Variants in GALK2 observed in about 807,000 individuals in gnomAD.
The protein encoded by GALK2 is galactokinase 2, also known as N-acetylgalactosamine kinase.
Under a neutral mutation model 52.4 loss-of-function variants are expected in GALK2, and 36 were observed. The ratio of observed to expected loss-of-function variants is 0.69; its 90% CI spans 0.53 to 0.91. The LOEUF is 0.91. Ranked by LOEUF, GALK2 falls within the 40% of genes least tolerant of loss-of-function variation. The probability of loss-of-function intolerance (pLI) is 0.00; values close to 1 mark genes in which losing one functional copy is unlikely to be tolerated. For synonymous variants in GALK2, 176 were observed against 199.1 expected (o/e 0.88, Z 0.98); for missense variants, 579 against 559.1 (o/e 1.04, Z -0.36).
At chr15:49,227,696 TTATA>T (rs2090211571) in intron 3 of GALK2, among the ~76,000 whole-genome samples, 1 of 152,086 alleles carries the variant, frequency 6.6e-6, no homozygotes, top group Non-Finnish European at 1.5e-5. Flanking sequence ...TCTGGTTGTT[TTATA>T]TATCTTTTTT....
At chr15:49,196,226 C>T (rs2087219788) in intron 1 of GALK2, among the ~76,000 whole-genome samples, 1 of 151,842 alleles carries the variant, frequency 6.6e-6, no homozygotes, top group South Asian at 2.1e-4. Flanking sequence ...ATTTAGTTTC[C>T]TATTATCATT....
intron 3 of GALK2, among the ~76,000 whole-genome samples, chr15:49,346,494 TCTC>T (rs1301296931): frequency 3.3e-5 from 5 of 152,130 alleles, no homozygotes; most frequent in Non-Finnish European, 5.9e-5. Flanking sequence ...TGAGAGCTGT[TCTC>T]CTGCCTCCTT....
At chr15:49,220,606 G>C (rs563777156) in intron 3 of GALK2, among the ~76,000 whole-genome samples, 1 of 152,190 alleles carries the variant, frequency 6.6e-6, no homozygotes, top group South Asian at 2.1e-4. Context: ...GCAGTATTAG[G>C]GTTGCTGGAT....
intron 5 of GALK2, among the ~76,000 whole-genome samples, chr15:49,252,260 C>T (rs1207173157): frequency 1.3e-5 from 2 of 151,802 alleles, no homozygotes; most frequent in East Asian, 1.9e-4. Flanking sequence ...AGTAAGACTT[C>T]GTCTCAAAAA....
intron 3 of GALK2, among the ~76,000 whole-genome samples, chr15:49,340,505 GAAGT>G (rs1310408426): frequency 2.0e-5 from 3 of 150,454 alleles, no homozygotes; most frequent in Non-Finnish European, 4.4e-5. Flanking sequence ...TGGAAATGCA[GAAGT>G]CACCTGTCTT....
upstream of GALK2, among the ~76,000 whole-genome samples, chr15:49,167,395 G>C (rs138047048): frequency 1.8e-4 from 27 of 152,102 alleles, no homozygotes; most frequent in East Asian, 5.0e-3. Flanking sequence ...TTCGCTCTTG[G>C]TTGCCCAGGC....
intron 1 of GALK2, among the ~76,000 whole-genome samples, chr15:49,176,722 TTA>T (rs1477023373): frequency 3.3e-5 from 5 of 152,166 alleles, no homozygotes; most frequent in Non-Finnish European, 5.9e-5. Flanking sequence ...AATTACTGCA[TTA>T]AATTTACCGA....
chr15:49,346,048 GTTA>G (rs2041440195), intron 3 of GALK2, among the ~76,000 whole-genome samples: 1 of 117,072 alleles, frequency 8.5e-6, no homozygotes, highest in Non-Finnish European at 1.9e-5. Flanking sequence ...ACTTGCTTTT[GTTA>G]TTTTTTTTTT....
chr15:49,173,861 G>A (rs889606585), intron 1 of GALK2, among the ~76,000 whole-genome samples: 1 of 152,042 alleles, frequency 6.6e-6, no homozygotes. Context: ...CCTTGTCTCA[G>A]CCTTCCAAGT....
At position 49,229,852 on chromosome 15, in the gene GALK2, C is replaced by A. The variant is rs572943092; in HGVS notation, c.267-5999C>A. Among the ~76,000 whole-genome samples, 66 of 152,148 alleles carry A rather than the reference C, an allele frequency of 4.3e-4. 1 individual carries two copies. Among genetic ancestry groups the A allele is most frequent in the African/African-American group, 1.6e-3 (65 of 41,506 alleles). On this transcript the variant is annotated intron_variant, in intron 3 of 9. Coordinates refer to ENST00000560031, the MANE Select transcript of GALK2 (RefSeq NM_002044.4). ...CAGGTAGTGGCTGCAGGTGGGGTAG[C>A]GTTTCCTCGGGGCACTTGAAAATCC...
chr15:49,159,592 AT>A (rs1256314201), intron 1 of GALK2, among the ~76,000 whole-genome samples: 60 of 149,544 alleles, frequency 4.0e-4, no homozygotes, highest in Non-Finnish European at 7.2e-4. Flanking sequence ...AAAAAAAAAA[AT>A]AAAATAAAAT....
intron 8 of GALK2, among the ~76,000 whole-genome samples, chr15:49,318,588 A>C (rs2036615147): frequency 6.6e-6 from 1 of 152,200 alleles, no homozygotes; most frequent in Admixed American, 6.5e-5. Context: ...CTCTGTTATT[A>C]GATATTTGTT....
intron 8 of GALK2, among the ~76,000 whole-genome samples, chr15:49,305,232 A>C (rs990896046): frequency 6.6e-6 from 1 of 152,184 alleles, no homozygotes; most frequent in Non-Finnish European, 1.5e-5. Flanking sequence ...GCCAAATATT[A>C]ATAGTAATGA....
At chr15:49,242,973 A>G (rs1400912179) in intron 5 of GALK2, among the ~76,000 whole-genome samples, 1 of 152,194 alleles carries the variant, frequency 6.6e-6, no homozygotes, top group East Asian at 1.9e-4. Flanking sequence ...ACCACAAAAT[A>G]CAAAGATGGA....
intron 8 of GALK2, among the ~76,000 whole-genome samples, chr15:49,295,796 T>C (rs950088699): frequency 1.3e-5 from 2 of 152,252 alleles, no homozygotes; most frequent in African/African-American, 4.8e-5. Flanking sequence ...AGTTTCTACC[T>C]GTCTTAAAAG....
chr15:49,176,848 T>A (rs1477453914), intron 1 of GALK2, among the ~76,000 whole-genome samples: 1 of 152,184 alleles, frequency 6.6e-6, no homozygotes, highest in East Asian at 1.9e-4. Context: ...CCTCCTAAAA[T>A]GAGATGGGAA....
chr15:49,182,624 T>C (rs1433883326), intron 1 of GALK2, among the ~76,000 whole-genome samples: 1 of 152,228 alleles, frequency 6.6e-6, no homozygotes, highest in Non-Finnish European at 1.5e-5. Flanking sequence ...ATGAGGGTTC[T>C]CTTTTCTCCA....
intron 7 of GALK2, among the ~76,000 whole-genome samples, chr15:49,288,464 T>A (rs1567024393): frequency 6.6e-6 from 1 of 152,176 alleles, no homozygotes; most frequent in African/African-American, 2.4e-5. Flanking sequence ...CATTTAGTAG[T>A]TGGTATGAAA....
intron 5 of GALK2, among the ~76,000 whole-genome samples, chr15:49,248,941 G>A: frequency 6.6e-6 from 1 of 152,142 alleles, no homozygotes; most frequent in East Asian, 1.9e-4. Context: ...AAATTAATAT[G>A]TATGCCTAGT....
Sources: allele counts gnomAD v4.1 joint callset (sites outside exome capture counted in the v4.1 genomes callset), GRCh38; gene constraint gnomAD v4.1.1; transcripts MANE v1.5; gene names NCBI Gene and HGNC (gene_info 2026-07-23, HGNC 2026-07-21).